Variants in TRAPPC9 observed in about 807,000 individuals in gnomAD.
TRAPPC9 encodes the protein trafficking protein particle complex subunit 9, also known as IKK2 binding protein.
In TRAPPC9, 83 loss-of-function variants were observed where a neutral mutation model predicts 124.0. The observed-to-expected ratio is 0.67, with a 90% confidence interval of 0.56 to 0.80. TRAPPC9 has a LOEUF of 0.80. Among genes scored for constraint, TRAPPC9 ranks in the 30% least tolerant of loss-of-function variants. The pLI is 0.00. For missense variants in TRAPPC9, 1,302 were observed against 1,508.3 expected, an observed-to-expected ratio of 0.86 and a Z score of 2.27; for synonymous variants, 638 against 617.5, an observed-to-expected ratio of 1.03 and a Z score of -0.49.
intron 19 of TRAPPC9, among the ~76,000 whole-genome samples, chr8:139,911,917 A>C (rs994808806): frequency 6.6e-6 from 1 of 152,150 alleles, no homozygotes; most frequent in Admixed American, 6.5e-5. Context: ...GAACTACTGC[A>C]GTGCCAATAA....
At position 140,249,380 on chromosome 8, in the gene TRAPPC9, A is replaced by G. The variant is rs571040615; in HGVS notation, c.2431+3397T>C. On this transcript the variant is annotated intron_variant, in intron 16 of 22. Coordinates refer to ENST00000438773, the MANE Select transcript of TRAPPC9 (RefSeq NM_001160372.4). ...TGATTTCATTCTGTTCTATGGCTGCATAGTCTTCCAGGGTGTATATGTACC... is the reference window on the plus strand; with the variant it reads ...TGATTTCATTCTGTTCTATGGCTGCGTAGTCTTCCAGGGTGTATATGTACC... Among the ~76,000 whole-genome samples, 5 of 152,304 alleles carry G rather than the reference A, an allele frequency of 3.3e-5. No homozygotes were observed. The South Asian group carries it at 8.3e-4, about 25-fold the overall frequency.
At chr8:139,736,705 T>G (rs1204838898) in intron 21 of TRAPPC9, among the ~76,000 whole-genome samples, 1 of 152,222 alleles carries the variant, frequency 6.6e-6, no homozygotes, top group Admixed American at 6.5e-5. Context: ...TGCTCGCAGC[T>G]GCCTTGCAAT....
intron 21 of TRAPPC9, among the ~76,000 whole-genome samples, chr8:139,759,629 G>A (rs781270618): frequency 1.1e-4 from 17 of 152,166 alleles, no homozygotes; most frequent in African/African-American, 1.7e-4. Flanking sequence ...ACAGATGAGC[G>A]CTGTTCTAAA....
chr8:140,416,631 T>C (rs1031587002), intron 5 of TRAPPC9, among the ~76,000 whole-genome samples: 4 of 152,148 alleles, frequency 2.6e-5, no homozygotes, highest in African/African-American at 7.2e-5. Context: ...ATCATGAAAA[T>C]GGTCATACTG....
intron 21 of TRAPPC9, among the ~76,000 whole-genome samples, chr8:139,855,298 G>A (rs1343906790): frequency 6.6e-6 from 1 of 152,202 alleles, no homozygotes; most frequent in Non-Finnish European, 1.5e-5. Flanking sequence ...GGGCTTTCCA[G>A]ACCTCCTGTT....
intron 19 of TRAPPC9, among the ~76,000 whole-genome samples, chr8:139,945,102 C>G (rs972853833): frequency 2.0e-5 from 3 of 151,830 alleles, no homozygotes; most frequent in Non-Finnish European, 2.9e-5. Context: ...CCAGCCTATG[C>G]AACAGAGTGA....
Position 140,280,596 on chromosome 8 carries a change from T to C in TRAPPC9, c.2114+3293A>G, listed in dbSNP as rs186832201. Among the ~76,000 whole-genome samples, 5 of 151,982 alleles carry C rather than the reference T, an allele frequency of 3.3e-5. No homozygotes were observed. In the East Asian group the frequency reaches 9.7e-4, roughly 30 times the overall value. On this transcript the variant is annotated intron_variant, in intron 14 of 22. Transcript: ENST00000438773. ...GGCTCCTGCCACCATGCCCAGCTAA[T>C]TTTTGTATTTTTTTTTTAGTAGAGA...
At position 139,729,545 on chromosome 8, in the gene TRAPPC9, C is replaced by T. The variant is rs1199871501; in HGVS notation, c.*1516G>A. ...TCCAGGAACTGAGGGCCACTGGACA[C>T]CCGCCCCCACATGCCCCCAGCCCAC... On this transcript the variant is annotated 3_prime_UTR_variant, in exon 23 of 23. Coordinates refer to ENST00000438773, the MANE Select transcript of TRAPPC9 (RefSeq NM_001160372.4). Among the ~76,000 whole-genome samples, 2 of 152,206 alleles carry T rather than the reference C, an allele frequency of 1.3e-5. No individual in the cohort carries two copies. Among genetic ancestry groups the T allele is most frequent in the African/African-American group, 4.8e-5 (2 of 41,452 alleles).
intron 19 of TRAPPC9, among the ~76,000 whole-genome samples, chr8:139,939,442 C>T (rs113425432): frequency 0.013 from 2,036 of 152,318 alleles, 47 homozygotes; most frequent in African/African-American, 0.046. Context: ...TGGTCCAGCA[C>T]GCCGCATGGG....
intron 19 of TRAPPC9, among the ~76,000 whole-genome samples, chr8:139,979,437 G>A (rs531730978): frequency 6.6e-6 from 1 of 152,322 alleles, no homozygotes; most frequent in Admixed American, 6.5e-5. Flanking sequence ...ACGGACACGG[G>A]TGCTGCTCGC....
intron 16 of TRAPPC9, among the ~76,000 whole-genome samples, chr8:140,249,594 A>G (rs1420990727): frequency 8.8e-6 from 1 of 113,220 alleles, no homozygotes; most frequent in African/African-American, 3.5e-5. Flanking sequence ...ATCATCTTTC[A>G]CTCTTTTTTT....
chr8:140,446,962 C>T lies in TRAPPC9; in HGVS notation c.584+3828G>A, dbSNP rs142120096. Among the ~76,000 whole-genome samples, 62 of 152,328 alleles carry T rather than the reference C, an allele frequency of 4.1e-4. No homozygotes were observed. In the East Asian group the frequency reaches 0.012, roughly 28 times the overall value. On this transcript the variant is annotated intron_variant, in intron 2 of 22. Transcript: ENST00000438773. ...CCGCACCCTCCCGCAGCTCCCCTGG[C>T]CACCAGCACACTCCAGCTCCAGCAT... is the stretch of plus-strand genomic sequence containing the variant.
chr8:140,372,885 C>G (rs1588236048), intron 7 of TRAPPC9, among the ~76,000 whole-genome samples: 1 of 152,190 alleles, frequency 6.6e-6, no homozygotes, highest in African/African-American at 2.4e-5. Context: ...CATTTTGTGA[C>G]AGCAGCCTCA....
chr8:140,092,204 T>G (rs888353323), intron 17 of TRAPPC9, among the ~76,000 whole-genome samples: 10 of 123,604 alleles, frequency 8.1e-5, no homozygotes, highest in African/African-American at 1.2e-4. Flanking sequence ...TAATTTTTCT[T>G]TTTTTTTTTT....
At chr8:139,792,974 C>T (rs1215458699) in intron 21 of TRAPPC9, among the ~76,000 whole-genome samples, 1 of 152,216 alleles carries the variant, frequency 6.6e-6, no homozygotes, top group Non-Finnish European at 1.5e-5. Context: ...CTCCTGGCAT[C>T]TTGGGGCCCA....
intron 15 of TRAPPC9, among the ~76,000 whole-genome samples, chr8:140,254,826 A>G (rs1217635943): frequency 2.6e-5 from 4 of 152,252 alleles, no homozygotes; most frequent in African/African-American, 9.6e-5. Flanking sequence ...CTAGATCCAA[A>G]TGATTCCAAA....
chr8:140,085,688 G>A (rs1252883977), intron 17 of TRAPPC9, among the ~76,000 whole-genome samples: 2 of 152,120 alleles, frequency 1.3e-5, no homozygotes, highest in Non-Finnish European at 2.9e-5. Context: ...GAGAAGAAAG[G>A]GGCAAGTCAT....
intron 21 of TRAPPC9, among the ~76,000 whole-genome samples, chr8:139,831,226 C>T (rs918182439): frequency 6.6e-6 from 1 of 152,148 alleles, no homozygotes; most frequent in Admixed American, 6.5e-5. Flanking sequence ...AGACAGCCGC[C>T]CACACATTAG....
chr8:139,903,095 C>T (rs1304366082), intron 20 of TRAPPC9, among the ~76,000 whole-genome samples: 6 of 152,140 alleles, frequency 3.9e-5, no homozygotes, highest in Admixed American at 6.5e-5. Flanking sequence ...TCCCTGTGCC[C>T]GGGAAGGCAG....
Sources: gnomAD v4.1 joint callset for allele counts (sites outside exome capture counted in the v4.1 genomes callset) on GRCh38, gnomAD v4.1.1 for gene constraint, MANE v1.5 for transcripts, NCBI Gene and HGNC (gene_info 2026-07-23, HGNC 2026-07-21) for gene names.